Variants in ACSL1 observed in about 807,000 individuals in gnomAD.
ACSL1 encodes long-chain-fatty-acid--CoA ligase 1.
ACSL1 carries 41 observed loss-of-function variants against 98.4 expected under a neutral mutation model. The ratio of observed to expected loss-of-function variants is 0.42; its 90% CI spans 0.32 to 0.54. The LOEUF (loss-of-function observed/expected upper bound fraction) is 0.54, where lower values mean the gene tolerates loss of function less well. ACSL1 is among the 20% of genes least tolerant of loss of function. ACSL1 has a pLI of 0.13. For synonymous variants in ACSL1, 316 were observed against 322.7 expected (o/e 0.98, Z 0.22); for missense variants, 734 against 883.1 (o/e 0.83, Z 2.14).
rs375698825 is a variant in ACSL1, at chr4:184,761,106, C to A, written c.1639-606G>T. Among the ~76,000 whole-genome samples the A allele has an allele frequency of 4.7e-4, 72 of 152,316 alleles. 3 individuals are homozygous for A. The South Asian group carries it at 0.015, about 31-fold the overall frequency. ...TCCCACTTTTACCCCATCCCCACCC[C>A]GGGGCCACTCTCATGCCTCCAAAAG... is the stretch of plus-strand genomic sequence containing the variant. On this transcript the variant is annotated intron_variant, in intron 17 of 20. Coordinates refer to ENST00000281455, the MANE Select transcript of ACSL1 (RefSeq NM_001995.5).
At chr4:184,761,849 C>T (rs1020052741) in intron 17 of ACSL1, among the ~76,000 whole-genome samples, 2 of 150,236 alleles carry the variant, frequency 1.3e-5, no homozygotes, top group Non-Finnish European at 3.0e-5. Context: ...ACGGGCCAGG[C>T]GCGGTGGTGG....
chr4:184,775,438 G>A (rs1765127108), intron 7 of ACSL1, among the ~76,000 whole-genome samples: 1 of 152,128 alleles, frequency 6.6e-6, no homozygotes, highest in South Asian at 2.1e-4. Context: ...AAGGGAAAAA[G>A]AGATTACATT....
chr4:184,807,838 G>A (rs997334159), intron 1 of ACSL1, among the ~76,000 whole-genome samples: 2 of 152,250 alleles, frequency 1.3e-5, no homozygotes, highest in African/African-American at 4.8e-5. Context: ...AGTCAAGAAC[G>A]GGACACCAAC....
At chr4:184,816,181 C>T (rs1345713782) in intron 1 of ACSL1, among the ~76,000 whole-genome samples, 9 of 151,922 alleles carry the variant, frequency 5.9e-5, no homozygotes, top group Admixed American at 2.6e-4. Context: ...TGAGGTTCCC[C>T]AGGACTGGAC....
chr4:184,759,475 T>C (rs1035161695), intron 18 of ACSL1, among the ~76,000 whole-genome samples: 5 of 152,020 alleles, frequency 3.3e-5, no homozygotes, highest in Admixed American at 2.6e-4. Flanking sequence ...TACAATGAAC[T>C]GAAACAAATT....
chr4:184,800,837 C>G (rs1770376469), intron 2 of ACSL1, among the ~76,000 whole-genome samples: 2 of 152,154 alleles, frequency 1.3e-5, no homozygotes, highest in Admixed American at 1.3e-4. Context: ...GAGTGTTAAC[C>G]TCCTCTTTAC....
chr4:184,817,966 G>A (rs1422783558), intron 1 of ACSL1, among the ~76,000 whole-genome samples: 2 of 152,168 alleles, frequency 1.3e-5, no homozygotes, highest in African/African-American at 2.4e-5. Flanking sequence ...CTTGGCATCG[G>A]CAGAGTTTGC....
chr4:184,806,370 C>T (rs1481970492), intron 1 of ACSL1, among the ~76,000 whole-genome samples: 1 of 152,176 alleles, frequency 6.6e-6, no homozygotes, highest in Admixed American at 6.5e-5. Flanking sequence ...TCAAATCCTT[C>T]CACCTCTAGT....
chr4:184,768,428 G>C lies in ACSL1; in HGVS notation c.1016C>G (p.Ala339Gly), dbSNP rs778163684. Residue 339 changes from alanine to glycine, a missense_variant, in exon 12 of 21, where the codon GCT becomes GGT. Ala to Gly is a moderately conservative substitution (Grantham distance 60, BLOSUM62 0). Transcript: ENST00000281455. ...ATCTCCTTGGAAAAATCCGATTTTAGCTCCATGACACAGCATTACACACTA... is the reference window on the plus strand; with the variant it reads ...ATCTCCTTGGAAAAATCCGATTTTACCTCCATGACACAGCATTACACACTA... The part of the protein sequence containing the change: ...VVECVMLCHG[A>G]KIGFFQGDIR... 6.2e-7 allele frequency: 1 copy of C among 1,613,624 alleles called. No individual in the cohort carries two copies. The highest frequency in any genetic ancestry group is 8.5e-7 in the Non-Finnish European group (1 of 1,179,872).
chr4:184,820,734 A>G (rs1773004772), intron 1 of ACSL1, among the ~76,000 whole-genome samples: 1 of 152,140 alleles, frequency 6.6e-6, no homozygotes, highest in Non-Finnish European at 1.5e-5. Flanking sequence ...CCTCCCGAGC[A>G]GCTGAGACTA....
intron 15 of ACSL1, 39 bp from the exon 16 acceptor site, chr4:184,763,294 C>T (rs1763119767): frequency 3.8e-6 from 6 of 1,570,168 alleles, no homozygotes; most frequent in Non-Finnish European, 5.2e-6. Context: ...CCTAAGGGAA[C>T]TACTCATAAC....
intron 1 of ACSL1, among the ~76,000 whole-genome samples, chr4:184,813,400 T>C (rs1276443179): frequency 2.0e-5 from 3 of 152,256 alleles, no homozygotes; most frequent in East Asian, 3.8e-4. Context: ...GTCAACAGCT[T>C]TGTGGCAGCG....
intron 1 of ACSL1, among the ~76,000 whole-genome samples, chr4:184,818,144 T>C (rs930208514): frequency 6.6e-6 from 1 of 152,198 alleles, no homozygotes; most frequent in Non-Finnish European, 1.5e-5. Context: ...CATCCTGGGA[T>C]GCCTCAGAAG....
intron 1 of ACSL1, among the ~76,000 whole-genome samples, chr4:184,811,620 A>G (rs1772126445): frequency 6.6e-6 from 1 of 152,046 alleles, no homozygotes; most frequent in South Asian, 2.1e-4. Context: ...CAGAGACAGA[A>G]AGCAGCAGAG....
At chr4:184,809,365 T>A (rs928679233) in intron 1 of ACSL1, among the ~76,000 whole-genome samples, 8 of 152,152 alleles carry the variant, frequency 5.3e-5, no homozygotes, top group Non-Finnish European at 1.5e-5. Context: ...TCAAACACAA[T>A]ATGTCGAATT....
chr4:184,779,356 C>G (rs1157279997), intron 5 of ACSL1, among the ~76,000 whole-genome samples: 3 of 152,284 alleles, frequency 2.0e-5, no homozygotes, highest in Admixed American at 1.3e-4. Flanking sequence ...GTAAGAAGTG[C>G]CTTTCACCTC....
Position 184,776,514 on chromosome 4 carries a change from CCCACA to C in ACSL1, c.721_725del (p.Cys241GlyfsTer26). ...TCGCCTTCATGCTGGTGACTTCCACCCCACACCTCTGGCCTCGTTCCACCAGTTCA... is the reference window on the plus strand; with the variant it reads ...TCGCCTTCATGCTGGTGACTTCCACCCCTCTGGCCTCGTTCCACCAGTTCA... On this transcript the variant is annotated frameshift_variant, in exon 7 of 21. Transcript: ENST00000281455. LOFTEE classifies it high-confidence loss of function. 6.2e-7 allele frequency: 1 copy of C among 1,613,810 alleles called. No individual in the cohort carries two copies. Among genetic ancestry groups the C allele is most frequent in the Non-Finnish European group, 8.5e-7 (1 of 1,179,828 alleles).
At chr4:184,797,495 G>A (rs1579931848) in intron 2 of ACSL1, among the ~76,000 whole-genome samples, 1 of 152,224 alleles carries the variant, frequency 6.6e-6, no homozygotes, top group Non-Finnish European at 1.5e-5. Flanking sequence ...GTTGCAGTGT[G>A]CATGTGAGCT....
rs571918629 is a variant in ACSL1 at position 184,764,475 on chromosome 4, AATTCAATAACT to A, written c.1432+367_1432+377del. On this transcript the variant is annotated intron_variant, in intron 15 of 20. Transcript: ENST00000281455. ...AACACCTAGCACAGCACACAGTACAAATTCAATAACTATTTGTTGTTTAAAATGACCAGCAA... is the reference window on the plus strand; with the variant it reads ...AACACCTAGCACAGCACACAGTACAAATTTGTTGTTTAAAATGACCAGCAA... Among the ~76,000 whole-genome samples the A allele has an allele frequency of 2.4e-4, 37 of 152,314 alleles. No homozygotes were observed. The South Asian group carries it at 2.9e-3, about 12-fold the overall frequency.
Sources: gnomAD v4.1 joint callset for allele counts (sites outside exome capture counted in the v4.1 genomes callset) on GRCh38, gnomAD v4.1.1 for gene constraint, MANE v1.5 for transcripts, NCBI Gene and HGNC (gene_info 2026-07-23, HGNC 2026-07-21) for gene names.